Variants in NAALADL2 observed in about 807,000 individuals in gnomAD.
The protein encoded by NAALADL2 is inactive N-acetylated-alpha-linked acidic dipeptidase-like protein 2.
Under a neutral mutation model 87.2 loss-of-function variants are expected in NAALADL2, and 76 were observed. That is an observed-to-expected ratio of 0.87 (90% CI 0.72 to 1.05). The LOEUF (loss-of-function observed/expected upper bound fraction) is 1.05. Ranked by LOEUF, NAALADL2 falls within the 50% of genes least tolerant of loss-of-function variation. NAALADL2 has a pLI of 0.00. For synonymous variants in NAALADL2, 354 were observed against 331.0 expected, an observed-to-expected ratio of 1.07 and a Z score of -0.75; for missense variants, 1,089 against 945.8, an observed-to-expected ratio of 1.15 and a Z score of -1.99.
chr3:175,487,420 G>A (rs1408138603), intron 9 of NAALADL2: 3 of 432,104 alleles, frequency 6.9e-6, no homozygotes, highest in African/African-American at 6.1e-5. Context: ...TGTGTATCTG[G>A]TACTTAGTGG....
chr3:175,192,543 A>G (rs7626023), intron 2 of NAALADL2, among the ~76,000 whole-genome samples: 128,202 of 151,872 alleles, frequency 0.84, 54,405 homozygotes, highest in East Asian at 0.91. Flanking sequence ...TTCACAATGT[A>G]GAGAGCATTC....
At chr3:174,457,939 G>A (rs1049432897) in intron 1 of NAALADL2, among the ~76,000 whole-genome samples, 19 of 152,236 alleles carry the variant, frequency 1.2e-4, no homozygotes, top group Admixed American at 1.1e-3. Flanking sequence ...GCTAAATAAT[G>A]AGAACACGTG....
intron 2 of NAALADL2, among the ~76,000 whole-genome samples, chr3:174,611,209 A>G (rs1578311709): frequency 6.6e-6 from 1 of 151,864 alleles, no homozygotes; most frequent in African/African-American, 2.4e-5. Flanking sequence ...AGATACACCT[A>G]ATGGTAAATG....
At chr3:175,363,600 C>T (rs957466015) in intron 5 of NAALADL2, among the ~76,000 whole-genome samples, 9 of 147,848 alleles carry the variant, frequency 6.1e-5, no homozygotes, top group African/African-American at 2.2e-4. Flanking sequence ...CAACTAAACA[C>T]ACGCATACAC....
At chr3:175,533,118 T>A (rs1049716071) in intron 9 of NAALADL2, among the ~76,000 whole-genome samples, 2 of 152,198 alleles carry the variant, frequency 1.3e-5, no homozygotes, top group Non-Finnish European at 2.9e-5. Flanking sequence ...AGCTGCAACA[T>A]TAAATGCAGA....
chr3:175,662,834 G>A (rs1021963582), intron 11 of NAALADL2, among the ~76,000 whole-genome samples: 1 of 151,898 alleles, frequency 6.6e-6, no homozygotes, highest in African/African-American at 2.4e-5. Flanking sequence ...GTGTCCCTGG[G>A]ATGGTTCCCA....
intron 1 of NAALADL2, among the ~76,000 whole-genome samples, chr3:174,539,977 GAAAAAAAAAAAAAAAA>G (rs57394560): frequency 2.0e-5 from 1 of 51,204 alleles, no homozygotes; most frequent in Non-Finnish European, 3.8e-5. Context: ...GGAAGTTCTG[GAAAAAAAAAAAAAAAA>G]AAAAAAAAAA....
At chr3:175,751,586 A>AT (rs1242818045) in intron 12 of NAALADL2, among the ~76,000 whole-genome samples, 3 of 152,112 alleles carry the variant, frequency 2.0e-5, no homozygotes, top group Non-Finnish European at 4.4e-5. Context: ...AGTATTAAGT[A>AT]ACTTATTCAT....
At chr3:174,820,763 G>A (rs937133297) in intron 3 of NAALADL2, among the ~76,000 whole-genome samples, 2 of 151,948 alleles carry the variant, frequency 1.3e-5, no homozygotes, top group Admixed American at 1.3e-4. Context: ...CTATAATGGT[G>A]TACCAGTCAG....
chr3:175,090,702 T>A lies in NAALADL2; in HGVS notation c.44-6088T>A, dbSNP rs776554311. Reference sequence around the variant, plus strand: ...GGCTTCAGGGTGAAGTTTTAGTTTATGCTATCCAACTTGATTATCCACTAT... The same window carrying A: ...GGCTTCAGGGTGAAGTTTTAGTTTAAGCTATCCAACTTGATTATCCACTAT... On this transcript the variant is annotated intron_variant, in intron 1 of 13. Coordinates refer to ENST00000454872, the MANE Select transcript of NAALADL2 (RefSeq NM_207015.3). 5.8e-4 allele frequency among the ~76,000 whole-genome samples: 89 copies of A among 152,160 alleles called. 2 individuals carry two copies. Among genetic ancestry groups the A allele is most frequent in the Non-Finnish European group, 1.3e-4 (9 of 68,024 alleles).
chr3:175,358,745 A>G (rs1241539594), intron 5 of NAALADL2, among the ~76,000 whole-genome samples: 1 of 152,194 alleles, frequency 6.6e-6, no homozygotes, highest in Non-Finnish European at 1.5e-5. Flanking sequence ...GCAGCCACAC[A>G]TTTTATTGCT....
At position 175,631,246 on chromosome 3, in the gene NAALADL2, T is replaced by C. The variant is rs139401631; in HGVS notation, c.1896+3860T>C. ...TTTGCTGAATATGAACAGTATTTTA[T>C]TTTATTTTATCGTTTGTATAAATTT... On this transcript the variant is annotated intron_variant, in intron 11 of 13. Coordinates refer to ENST00000454872, the MANE Select transcript of NAALADL2 (RefSeq NM_207015.3). Among the ~76,000 whole-genome samples, 3 of 151,934 alleles carry C rather than the reference T, an allele frequency of 2.0e-5. No individual in the cohort carries two copies. In the East Asian group the frequency reaches 5.8e-4, roughly 29 times the overall value.
chr3:174,931,967 TA>T (rs1315712374), intron 1 of NAALADL2, among the ~76,000 whole-genome samples: 1 of 152,226 alleles, frequency 6.6e-6, no homozygotes, highest in Non-Finnish European at 1.5e-5. Context: ...TAGATTCAAA[TA>T]ACTTCAACAA....
chr3:175,393,522 G>C (rs1769354201), intron 5 of NAALADL2, among the ~76,000 whole-genome samples: 2 of 151,694 alleles, frequency 1.3e-5, no homozygotes, highest in Admixed American at 1.3e-4. Context: ...CAAGTATAGT[G>C]CAAAAATGCA....
chr3:174,556,903 A>G (rs544690827), intron 2 of NAALADL2, among the ~76,000 whole-genome samples: 1 of 152,082 alleles, frequency 6.6e-6, no homozygotes, highest in East Asian at 1.9e-4. Flanking sequence ...ATCATGCTTC[A>G]CCAATTTCTT....
At chr3:175,410,742 A>G (rs1344296123) in intron 5 of NAALADL2, among the ~76,000 whole-genome samples, 3 of 152,214 alleles carry the variant, frequency 2.0e-5, no homozygotes, top group Admixed American at 2.0e-4. Flanking sequence ...CTGAGAGAGT[A>G]ATAAACAATT....
intron 2 of NAALADL2, among the ~76,000 whole-genome samples, chr3:174,602,721 C>G (rs1483524351): frequency 6.6e-6 from 1 of 151,630 alleles, no homozygotes. Context: ...TTAAAAAAGA[C>G]TTTCATATTT....
At chr3:174,974,511 T>C (rs1364537023) in intron 1 of NAALADL2, among the ~76,000 whole-genome samples, 1 of 152,168 alleles carries the variant, frequency 6.6e-6, no homozygotes, top group African/African-American at 2.4e-5. Flanking sequence ...ACTAAGGATA[T>C]TAAATGAGAT....
intron 10 of NAALADL2, among the ~76,000 whole-genome samples, chr3:175,604,645 TA>T (rs1723442791): frequency 6.6e-6 from 1 of 152,154 alleles, no homozygotes; most frequent in South Asian, 2.1e-4. Flanking sequence ...ACTGTTTTAA[TA>T]AAATAGTCCT....
Sources: gnomAD v4.1 joint callset for allele counts (sites outside exome capture counted in the v4.1 genomes callset) on GRCh38, gnomAD v4.1.1 for gene constraint, MANE v1.5 for transcripts, NCBI Gene and HGNC (gene_info 2026-07-23, HGNC 2026-07-21) for gene names.